Variants in NREP observed in about 807,000 individuals in gnomAD.
NREP encodes neuronal regeneration related protein.
A neutral mutation model predicts 8.6 loss-of-function variants in NREP; 5 were observed. That is an observed-to-expected ratio of 0.58 (90% CI 0.30 to 1.22). NREP has a LOEUF of 1.22. NREP is among the 50% of genes most tolerant of loss of function. NREP has a pLI of 0.07. For missense variants in NREP, 86 were observed against 82.5 expected (o/e 1.04, Z -0.17); for synonymous variants, 27 against 28.0 (o/e 0.96, Z 0.11).
At chr5:111,942,239 T>C (rs1337903043) in intron 2 of NREP, among the ~76,000 whole-genome samples, 1 of 152,104 alleles carries the variant, frequency 6.6e-6, no homozygotes, top group Admixed American at 6.6e-5. Context: ...TTATATTTTT[T>C]AATATTTTTA....
intron 2 of NREP, among the ~76,000 whole-genome samples, chr5:111,799,090 T>A (rs1751941576): frequency 6.6e-6 from 1 of 152,204 alleles, no homozygotes; most frequent in African/African-American, 2.4e-5. Context: ...GTATTTGGCT[T>A]TATTTCTGCG....
chr5:111,889,718 C>G (rs1754348388), intron 2 of NREP, among the ~76,000 whole-genome samples: 1 of 152,120 alleles, frequency 6.6e-6, no homozygotes, highest in African/African-American at 2.4e-5. Context: ...GAGAATCCAC[C>G]AGCAGGCTTT....
intron 2 of NREP, among the ~76,000 whole-genome samples, chr5:111,870,718 C>G (rs1045029931): frequency 2.6e-5 from 4 of 151,896 alleles, no homozygotes; most frequent in Non-Finnish European, 5.9e-5. Context: ...GACATCCTTA[C>G]AAGAAAAGAG....
chr5:111,758,908 C>T (rs1367312374), upstream of NREP, among the ~76,000 whole-genome samples: 1 of 152,170 alleles, frequency 6.6e-6, no homozygotes, highest in Non-Finnish European at 1.5e-5. Context: ...TTAGACTGCA[C>T]TGGGTATGAT....
chr5:111,828,472 T>A (rs904945822), intron 2 of NREP, among the ~76,000 whole-genome samples: 1 of 152,206 alleles, frequency 6.6e-6, no homozygotes, highest in Non-Finnish European at 1.5e-5. Flanking sequence ...ATAACCTATA[T>A]GTCTCTTTGG....
intron 2 of NREP, among the ~76,000 whole-genome samples, chr5:111,801,137 T>C (rs1252244598): frequency 6.6e-6 from 1 of 152,220 alleles, no homozygotes; most frequent in African/African-American, 2.4e-5. Context: ...AAAGAAAGTA[T>C]TTAGTTTTTA....
rs1378007439 is a variant in NREP at position 111,777,939 on chromosome 5, T to C, written c.136-42432A>G. ...GTTGCTGATTGAGATAAATAGGGTA[T>C]GGGAGGTCCAGGAATTTCATTGTTT... On this transcript the variant is annotated intron_variant, in intron 2 of 3. Coordinates refer to the NREP transcript ENST00000395634. Among the ~76,000 whole-genome samples, 5 of 152,230 alleles carry C rather than the reference T, an allele frequency of 3.3e-5. No homozygotes were observed. The South Asian group carries it at 8.3e-4, about 25-fold the overall frequency.
At chr5:111,901,286 G>A (rs1020374577) in intron 2 of NREP, among the ~76,000 whole-genome samples, 6 of 152,036 alleles carry the variant, frequency 3.9e-5, no homozygotes, top group African/African-American at 9.7e-5. Flanking sequence ...AAAAGTAATT[G>A]AATTCAACAT....
intron 2 of NREP, among the ~76,000 whole-genome samples, chr5:111,872,347 T>C (rs1753809922): frequency 6.6e-6 from 1 of 152,176 alleles, no homozygotes; most frequent in Non-Finnish European, 1.5e-5. Context: ...GGGTGAGGCC[T>C]CTCCACATTG....
chr5:111,925,145 A>G (rs1051070338), intron 2 of NREP, among the ~76,000 whole-genome samples: 50 of 152,108 alleles, frequency 3.3e-4, no homozygotes, highest in African/African-American at 1.2e-3. Context: ...CCTTCCTTCA[A>G]TTTCCAGAAT....
At chr5:111,972,030 C>T (rs1363425104) in intron 2 of NREP, among the ~76,000 whole-genome samples, 3 of 151,940 alleles carry the variant, frequency 2.0e-5, no homozygotes, top group African/African-American at 7.3e-5. Context: ...GTATAAAAAA[C>T]TCAAACAGCA....
At chr5:111,739,294 A>T (rs533708230) in intron 2 of NREP, 1 of 152,402 alleles carries the variant, frequency 6.6e-6, no homozygotes, top group African/African-American at 2.4e-5. Context: ...TGGCTGTCAG[A>T]ATCAGCCAAG....
intron 2 of NREP, among the ~76,000 whole-genome samples, chr5:111,916,823 C>G (rs770622882): frequency 2.6e-5 from 4 of 152,066 alleles, no homozygotes; most frequent in Admixed American, 2.0e-4. Context: ...GCAGCAAATC[C>G]ATATGGGTAT....
At chr5:111,850,399 C>T (rs1326307074) in intron 2 of NREP, among the ~76,000 whole-genome samples, 1 of 152,132 alleles carries the variant, frequency 6.6e-6, no homozygotes, top group Non-Finnish European at 1.5e-5. Flanking sequence ...CAAATGTCTG[C>T]AGCATATTTC....
intron 2 of NREP, among the ~76,000 whole-genome samples, chr5:111,778,274 G>T (rs561936442): frequency 2.0e-5 from 3 of 152,228 alleles, no homozygotes; most frequent in African/African-American, 4.8e-5. Context: ...GCTACAAGTG[G>T]TCTGAGATTT....
chr5:111,949,117 T>A (rs1195552710), intron 2 of NREP: 1 of 152,064 alleles, frequency 6.6e-6, no homozygotes, highest in Non-Finnish European at 1.5e-5. Flanking sequence ...CAATTTCCCA[T>A]AGCAATCTAT....
chr5:111,947,247 T>G (rs1205385523), intron 2 of NREP, among the ~76,000 whole-genome samples: 1 of 152,074 alleles, frequency 6.6e-6, no homozygotes, highest in Non-Finnish European at 1.5e-5. Context: ...TCTTAGGAGA[T>G]CCTACATACT....
At chr5:111,876,758 T>C (rs898701423) in intron 2 of NREP, among the ~76,000 whole-genome samples, 4 of 152,226 alleles carry the variant, frequency 2.6e-5, no homozygotes, top group Non-Finnish European at 4.4e-5. Flanking sequence ...ATTTATCATG[T>C]AGTACTTATT....
intron 2 of NREP, among the ~76,000 whole-genome samples, chr5:111,813,881 T>C (rs1448852637): frequency 2.0e-5 from 3 of 152,116 alleles, no homozygotes; most frequent in Admixed American, 2.0e-4. Context: ...TGGTATATAC[T>C]ATATTCCAGA....
Sources: gnomAD v4.1 joint callset for allele counts (sites outside exome capture counted in the v4.1 genomes callset) on GRCh38, gnomAD v4.1.1 for gene constraint, MANE v1.5 for transcripts, NCBI Gene and HGNC (gene_info 2026-07-23, HGNC 2026-07-21) for gene names.